The following VPS26C variants were observed in gnomAD, a reference collection of about 807,000 sequenced individuals.
The protein encoded by VPS26C is vacuolar protein sorting-associated protein 26C.
Under a neutral mutation model 30.6 loss-of-function variants are expected in VPS26C, and 19 were observed. The ratio of observed to expected loss-of-function variants is 0.62; its 90% CI spans 0.43 to 0.91. The LOEUF (loss-of-function observed/expected upper bound fraction) is 0.91, where lower values mean the gene tolerates loss of function less well. Ranked by LOEUF, VPS26C falls within the 40% of genes least tolerant of loss-of-function variation. The pLI is 0.00. For synonymous variants in VPS26C, 132 were observed against 151.5 expected (o/e 0.87, Z 0.95); for missense variants, 318 against 385.1 (o/e 0.83, Z 1.46).
chr21:37,262,861 G>A (rs1227694599), intron 1 of VPS26C, among the ~76,000 whole-genome samples: 1 of 150,984 alleles, frequency 6.6e-6, no homozygotes, highest in African/African-American at 2.4e-5. Flanking sequence ...TCTGCCTCCC[G>A]GGTTCAAGTG....
intron 1 of VPS26C, among the ~76,000 whole-genome samples, chr21:37,255,199 G>A (rs2086230196): frequency 6.6e-6 from 1 of 152,080 alleles, no homozygotes; most frequent in Non-Finnish European, 1.5e-5. Flanking sequence ...GATTACTGAA[G>A]AATGGGATTT....
At position 37,232,319 on chromosome 21, in the gene VPS26C, C is replaced by T. The variant is rs1046561567; in HGVS notation, c.507+58G>A. 44 of 1,480,862 alleles carry T rather than the reference C, an allele frequency of 3.0e-5. No homozygotes were observed. The South Asian group carries it at 3.3e-4, about 11-fold the overall frequency. 91.7% of individuals were successfully genotyped at this position (1,480,862 alleles called of 1,614,324 possible). ...AAGACCACCCGGGCAATAGCTAGTC[C>T]GTGGGGTCTGGCTGCTGGGAAGATA... On this transcript the variant is annotated intron_variant, in intron 5 of 7. Transcript: ENST00000309117.
In VPS26C at chr21:37,232,729, AGT is replaced by A. The variant is rs199584838; in HGVS notation, c.433-280_433-279del. On this transcript the variant is annotated intron_variant, in intron 4 of 7. Coordinates refer to ENST00000309117, the MANE Select transcript of VPS26C (RefSeq NM_006052.2). Reference sequence around the variant, plus strand: ...TAAAATCAGATCTAAGAAACAGAACAGTGTTATTGGCAAGTACTTATTTGAAA... The same window carrying A: ...TAAAATCAGATCTAAGAAACAGAACAGTTATTGGCAAGTACTTATTTGAAA... 2.7e-3 allele frequency: 1,470 copies of A among 537,476 alleles called. 15 individuals carry two copies. The highest frequency in any genetic ancestry group is 0.026 in the African/African-American group (1,376 of 52,678). The allele number at this position is 537,476 out of a possible 1,614,324, so 33.3% of individuals were successfully genotyped here.
At chr21:37,259,726 G>T (rs2086284768) in intron 1 of VPS26C, among the ~76,000 whole-genome samples, 1 of 152,064 alleles carries the variant, frequency 6.6e-6, no homozygotes, top group Admixed American at 6.6e-5. Context: ...CGTCACCTCC[G>T]TATGTTCTCC....
At chr21:37,232,791 A>C in intron 4 of VPS26C, 2 of 382,978 alleles carry the variant, frequency 5.2e-6, no homozygotes, top group South Asian at 2.9e-5. Flanking sequence ...GGCTCTTCAC[A>C]CCTCCCAGAT....
intron 1 of VPS26C, among the ~76,000 whole-genome samples, chr21:37,250,024 C>A (rs7275947): frequency 0.22 from 32,795 of 152,174 alleles, 3,935 homozygotes; most frequent in South Asian, 0.29. Context: ...TTAAGTTGGG[C>A]CGGGCAGGGT....
At chr21:37,228,510 A>C in intron 5 of VPS26C, 137 bp from the exon 6 acceptor site, 1 of 908,438 alleles carries the variant, frequency 1.1e-6, no homozygotes, top group Non-Finnish European at 1.7e-6. Context: ...CAAAACGGGA[A>C]GAAAGGAGCG....
chr21:37,237,752 G>GT (rs2086040087), intron 3 of VPS26C: 1 of 152,196 alleles, frequency 6.6e-6, no homozygotes, highest in Admixed American at 6.5e-5. Flanking sequence ...GCAGGATAAT[G>GT]TATCTACTAA....
At chr21:37,242,254 A>G (rs2086094956) in intron 1 of VPS26C, among the ~76,000 whole-genome samples, 1 of 152,372 alleles carries the variant, frequency 6.6e-6, no homozygotes, top group African/African-American at 2.4e-5. Flanking sequence ...TTTAATTAAC[A>G]TTAATTCTAT....
At chr21:37,235,879 A>ATATAT (rs1555930580) in intron 3 of VPS26C, among the ~76,000 whole-genome samples, 6 of 111,294 alleles carry the variant, frequency 5.4e-5, no homozygotes, top group Non-Finnish European at 9.4e-5. Context: ...ATATATATAT[A>ATATAT]TTTTTTTTTT....
intron 1 of VPS26C, among the ~76,000 whole-genome samples, chr21:37,262,686 G>A (rs2086317051): frequency 6.6e-6 from 1 of 152,186 alleles, no homozygotes; most frequent in Non-Finnish European, 1.5e-5. Flanking sequence ...AATCATCAGT[G>A]GATACGTCCA....
chr21:37,250,832 G>A (rs1229863507), intron 1 of VPS26C, among the ~76,000 whole-genome samples: 12 of 148,768 alleles, frequency 8.1e-5, no homozygotes, highest in Admixed American at 3.3e-4. Context: ...CCCGGGAGGC[G>A]GAGACTGCAG....
intron 1 of VPS26C, among the ~76,000 whole-genome samples, chr21:37,245,568 C>T (rs917014963): frequency 1.3e-5 from 2 of 152,184 alleles, no homozygotes; most frequent in Admixed American, 1.3e-4. Context: ...CGCTCTGTGA[C>T]ACTTACACCT....
At chr21:37,264,360 C>G (rs186137179) in intron 1 of VPS26C, among the ~76,000 whole-genome samples, 1 of 152,288 alleles carries the variant, frequency 6.6e-6, no homozygotes, top group Admixed American at 6.5e-5. Flanking sequence ...AGGGACAGAG[C>G]TGACTCTGTC....
At position 37,228,285 on chromosome 21, in the gene VPS26C, A is replaced by G. The variant is rs565837711; in HGVS notation, c.596T>C (p.Val199Ala). ...ITQPLTGELV[V>A]ESSEAAIRSV... Reference sequence around the variant, plus strand: ...TCTGATGGCGGCTTCCGAGCTCTCCACCACCAGCTCTCCCGTTAGTGGCTG... The same window carrying G: ...TCTGATGGCGGCTTCCGAGCTCTCCGCCACCAGCTCTCCCGTTAGTGGCTG... The change falls in exon 6 of 8, where the codon GTG (valine) becomes GCG (alanine). Residue 199 changes from valine to alanine, a missense_variant. Coordinates refer to ENST00000309117, the MANE Select transcript of VPS26C (RefSeq NM_006052.2). 6.2e-7 allele frequency: 1 copy of G among 1,614,116 alleles called. No individual in the cohort carries two copies. The highest frequency in any genetic ancestry group is 8.5e-7 in the Non-Finnish European group (1 of 1,180,038).
intron 1 of VPS26C, among the ~76,000 whole-genome samples, chr21:37,247,265 A>T (rs552240765): frequency 1.6e-4 from 24 of 152,244 alleles, no homozygotes; most frequent in Non-Finnish European, 2.4e-4. Context: ...AATAAGTCAA[A>T]TAATGTCGTA....
chr21:37,265,768 T>C lies in VPS26C; in HGVS notation c.57+1470A>G, dbSNP rs565939091. ...TGGCAGGAATACTACATAGGTGAGT[T>C]GTGGCCTTCTCTGTGCATCATGCCA... On this transcript the variant is annotated intron_variant, in intron 1 of 7. Transcript: ENST00000309117. 1.3e-4 allele frequency among the ~76,000 whole-genome samples: 20 copies of C among 152,274 alleles called. No homozygotes were observed. The South Asian group carries it at 4.1e-3, about 32-fold the overall frequency.
intron 1 of VPS26C, 26 bp downstream of exon 1, chr21:37,267,212 C>T (rs1602295215): frequency 9.2e-7 from 1 of 1,092,266 alleles, no homozygotes; most frequent in Non-Finnish European, 1.4e-6. Context: ...ACCCCACCTC[C>T]ATCCCCACCC....
chr21:37,225,481 AT>A lies in VPS26C; in HGVS notation c.*62del, dbSNP rs1440371195. ...GCCGCTGGCTGTAGCTCCCCTTAGG[AT>A]TTGGATAACCAGCTGGATTTCCAGA... On this transcript the variant is annotated 3_prime_UTR_variant, in exon 8 of 8. Transcript: ENST00000309117. 6.3e-6 allele frequency: 9 copies of A among 1,433,628 alleles called. No individual in the cohort carries two copies. The highest frequency in any genetic ancestry group is 8.9e-6 in the Non-Finnish European group (9 of 1,016,242). 88.8% of individuals were successfully genotyped at this position (1,433,628 alleles called of 1,614,324 possible).
Sources: allele counts gnomAD v4.1 joint callset (sites outside exome capture counted in the v4.1 genomes callset), GRCh38; gene constraint gnomAD v4.1.1; transcripts MANE v1.5; gene names NCBI Gene and HGNC (gene_info 2026-07-23, HGNC 2026-07-21).